LTBP4: variants seen among roughly 807,000 people sequenced by gnomAD.
LTBP4 encodes latent-transforming growth factor beta-binding protein 4.
LTBP4 carries 93 observed loss-of-function variants against 180.2 expected under a neutral mutation model. The ratio of observed to expected loss-of-function variants is 0.52; its 90% CI spans 0.44 to 0.61. The LOEUF is 0.61. Ranked by LOEUF, LTBP4 falls within the 20% of genes least tolerant of loss-of-function variation. The probability of loss-of-function intolerance (pLI) is 0.00; values close to 1 mark genes in which losing one functional copy is unlikely to be tolerated. For missense variants in LTBP4, 2,116 were observed against 2,256.5 expected (o/e 0.94, Z 1.26); for synonymous variants, 947 against 934.5 (o/e 1.01, Z -0.24).
chr19:40,607,986 G>A (rs1162392483), intron 7 of LTBP4, among the ~76,000 whole-genome samples: 1 of 152,116 alleles, frequency 6.6e-6, no homozygotes, highest in African/African-American at 2.4e-5. Flanking sequence ...ACCGGACCCT[G>A]CCCTCAACCC....
intron 6 of LTBP4, 66 bp from the exon 7 acceptor site, chr19:40,607,299 C>G (rs747385009): frequency 1.4e-6 from 2 of 1,442,416 alleles, no homozygotes; most frequent in Non-Finnish European, 1.9e-6. Flanking sequence ...CCCCTCTCTC[C>G]CAAATCCCTC....
chr19:40,610,909 C>A, intron 12 of LTBP4: 1 of 712,524 alleles, frequency 1.4e-6, no homozygotes, highest in East Asian at 2.7e-5. Flanking sequence ...TGTCAGTAAT[C>A]GGGTAAGGGG....
At chr19:40,601,745 A>C in intron 1 of LTBP4, 108 bp downstream of exon 1, 2 of 892,198 alleles carry the variant, frequency 2.2e-6, no homozygotes, top group Admixed American at 8.5e-5. Flanking sequence ...TCCATATGCA[A>C]TAGTGCAAGG....
chr19:40,625,316 A>ATATATATATATATATATATATT lies in LTBP4; in HGVS notation c.3833-540_3833-539insATATATATATATATATATATTT, dbSNP rs1568414647. Among the ~76,000 whole-genome samples the ATATATATATATATATATATATT allele has an allele frequency of 1.8e-4, 4 of 21,930 alleles. 1 individual carries two copies. The highest frequency in any genetic ancestry group is 3.2e-4 in the Non-Finnish European group (4 of 12,648). 14.4% of individuals were successfully genotyped at this position (21,930 alleles called of 152,430 possible). A position where few individuals can be genotyped will look rare whatever the true frequency, so the allele number is the denominator to read the frequency against. ...TATATATATATATATATATATATAT[A>ATATATATATATATATATATATT]TTTTTTTTTTTAAAGATGGGTTTTT... is the stretch of plus-strand genomic sequence containing the variant. On this transcript the variant is annotated intron_variant, in intron 26 of 29. Transcript: ENST00000396819.
intron 19 of LTBP4, among the ~76,000 whole-genome samples, chr19:40,616,309 A>AAAAG (rs1568409744): frequency 2.7e-5 from 4 of 149,466 alleles, no homozygotes; most frequent in South Asian, 4.2e-4. Flanking sequence ...AAGAAAAAAA[A>AAAAG]GCTGGATGGG....
At position 40,601,468 on chromosome 19, in the gene LTBP4, G is replaced by A; in HGVS notation, c.81G>A (p.Arg27=). 6.7e-7 allele frequency: 1 copy of A among 1,492,302 alleles called. No homozygotes were observed. Among genetic ancestry groups the A allele is most frequent in the Non-Finnish European group, 8.9e-7 (1 of 1,127,398 alleles). 92.4% of individuals were successfully genotyped at this position (1,492,302 alleles called of 1,614,324 possible). The change falls in exon 1 of 30, where the codon CGG becomes CGA. Residue 27 remains arginine (R), a synonymous_variant. Coordinates refer to ENST00000396819, the MANE Select transcript of LTBP4 (RefSeq NM_001042545.2). ...TAGGGCCGCAGCCTGGACTGGGCCG[G>A]CTCGGAGAGCGTCTCCGCGTGCGCT... ...AQLGPQPGLG[R]LGERLRVRFT... is the part of the protein sequence containing the mutation.
In LTBP4 at chr19:40,607,385, G is replaced by A. The variant is rs1480507896; in HGVS notation, c.1012G>A (p.Ala338Thr). 1.2e-6 allele frequency: 2 copies of A among 1,612,606 alleles called. No homozygotes were observed. The highest frequency in any genetic ancestry group is 2.2e-5 in the East Asian group (1 of 44,836). The change falls in exon 7 of 30, where the codon GCC becomes ACC. Residue 338 changes from alanine to threonine, a missense_variant. Physicochemically the swap from Ala to Thr is moderately conservative, Grantham distance 58 (BLOSUM62 0). Around this residue, in one of 5 missense-constraint regions of LTBP4, gnomAD observed 469 missense variants for 532.5 expected, o/e 0.88. Coordinates refer to ENST00000396819, the MANE Select transcript of LTBP4 (RefSeq NM_001042545.2). ...CGCAGCCCAACACGTGATCTCAGAG[G>A]CCAAAGGGCCCTGCTTCCGCGTGCT... ...SCISQHVISE[A>T]KGPCFRVLRD...
At chr19:40,601,296 C>T, upstream of LTBP4, 1 of 942,086 alleles carries the variant, frequency 1.1e-6, no homozygotes, top group Non-Finnish European at 1.3e-6. Flanking sequence ...AGCGGGGGCG[C>T]GGGCGACCTC....
rs1568414562 is a variant in LTBP4, at chr19:40,625,299, TATATATATATATATA to T, written c.3833-557_3833-543del. On this transcript the variant is annotated intron_variant, in intron 26 of 29. Transcript: ENST00000396819. ...ATATATATATATATATATATATATA[TATATATATATATATA>T]TATTTTTTTTTTTAAAGATGGGTTT... 1.5e-3 allele frequency among the ~76,000 whole-genome samples: 34 copies of T among 22,382 alleles called. 4 individuals carry two copies. The highest frequency in any genetic ancestry group is 4.7e-3 in the East Asian group (4 of 850). The allele number at this position is 22,382 out of a possible 152,430, so 14.7% of individuals were successfully genotyped here.
Position 40,610,355 on chromosome 19 carries a change from C to T in LTBP4, c.1685-177C>T, listed in dbSNP as rs544851193. 2.0e-4 allele frequency: 139 copies of T among 696,516 alleles called. 2 individuals are homozygous for T. The East Asian group carries it at 3.9e-3, about 19-fold the overall frequency. 43.1% of individuals were successfully genotyped at this position (696,516 alleles called of 1,614,324 possible). A position where few individuals can be genotyped will look rare whatever the true frequency, so the allele number is the denominator to read the frequency against. ...CCTTTCTGCCCTTGCGCTACCAAAC[C>T]CTGCCCTCCACAATTGCCTCTCTCA... On this transcript the variant is annotated intron_variant, in intron 11 of 29. Transcript: ENST00000396819.
At position 40,623,699 on chromosome 19, in the gene LTBP4, T is replaced by A; in HGVS notation, c.3652T>A (p.Tyr1218Asn). ...PGYSCYCSNG[Y>N]YYHTQRLECI... ...CTACTCATGCTATTGCAGCAACGGC[T>A]ACTACTACCACACACAGCGGCTGGA... is the stretch of plus-strand genomic sequence containing the variant. Residue 1218 changes from tyrosine to asparagine, a missense_variant, in exon 25 of 30, where the codon TAC (tyrosine) becomes AAC (asparagine). Around this residue, in one of 5 missense-constraint regions of LTBP4, gnomAD observed 278 missense variants for 373.0 expected, o/e 0.75. Transcript: ENST00000396819. 6.2e-7 allele frequency: 1 copy of A among 1,613,936 alleles called. No individual in the cohort carries two copies. The highest frequency in any genetic ancestry group is 8.5e-7 in the Non-Finnish European group (1 of 1,179,884).
intron 24 of LTBP4, 32 bp from the exon 25 acceptor site, chr19:40,623,572 C>T (rs1330819810): frequency 2.5e-6 from 4 of 1,600,962 alleles, no homozygotes; most frequent in African/African-American, 2.7e-5. Flanking sequence ...CCATCCAGCC[C>T]GCCCCCATCT....
In LTBP4 at chr19:40,613,491, C is replaced by A; in HGVS notation, c.2519C>A (p.Pro840His). 6.3e-7 allele frequency: 1 copy of A among 1,585,524 alleles called. No homozygotes were observed. Residue 840 changes from proline (P) to histidine (H), a missense_variant, in exon 17 of 30, where the codon CCT (proline) becomes CAT (histidine). Pro to His is a moderately conservative substitution (Grantham distance 77, BLOSUM62 -2). Coordinates refer to ENST00000396819, the MANE Select transcript of LTBP4 (RefSeq NM_001042545.2). The surrounding 1 kb of genome is among the most constrained non-coding windows in gnomAD (Gnocchi z 5.0). Reference protein sequence around the residue: ...TDGSFACTCAPGYRPGPRGAS... With the variant: ...TDGSFACTCAHGYRPGPRGAS... Reference sequence around the variant, plus strand: ...GGCTCCTTTGCCTGTACTTGTGCCCCTGGCTACCGACCCGGACCCCGCGGA... The same window carrying A: ...GGCTCCTTTGCCTGTACTTGTGCCCATGGCTACCGACCCGGACCCCGCGGA...
chr19:40,595,155 C>T (rs1310229795), intron 1 of LTBP4, among the ~76,000 whole-genome samples: 3 of 152,088 alleles, frequency 2.0e-5, no homozygotes, highest in Non-Finnish European at 4.4e-5. Context: ...TGGGATCCTA[C>T]ATGTGGTCAC....
chr19:40,609,602 G>A lies in LTBP4; in HGVS notation c.1499G>A (p.Gly500Asp), dbSNP rs753330283. Residue 500 changes from glycine to aspartate, a missense_variant, in exon 10 of 30, where the codon GGC becomes GAC. By Grantham distance (94) the Gly-to-Asp change is moderately conservative. This residue lies in a region of LTBP4 where 877 missense variants were observed against 873.6 expected (regional missense o/e 1.00). Transcript: ENST00000396819. This position sits in a 1 kb window ranked among gnomAD's most constrained non-coding sequence, Gnocchi z 4.9. ...GPGRCISRPS[G>D]YTCACDSGFR... The stretch of plus-strand genomic sequence containing the variant: ...GGACGCTGCATTTCCCGGCCCAGCG[G>A]CTACACCTGCGCTTGCGACTCTGGC... The A allele has an allele frequency of 3.4e-5, 55 of 1,613,282 alleles. No individual in the cohort carries two copies. Among genetic ancestry groups the A allele is most frequent in the Non-Finnish European group, 4.4e-5 (52 of 1,179,846 alleles).
chr19:40,621,090 C>T (rs557610172), intron 22 of LTBP4, among the ~76,000 whole-genome samples: 163 of 152,118 alleles, frequency 1.1e-3, no homozygotes, highest in African/African-American at 3.4e-3. Context: ...TACAGGTGTC[C>T]GCCACCACGC....
chr19:40,601,131 C>T (rs964027172), upstream of LTBP4, among the ~76,000 whole-genome samples: 1 of 152,154 alleles, frequency 6.6e-6, no homozygotes, highest in Non-Finnish European at 1.5e-5. Context: ...CCCCTACAGG[C>T]CCGGTCCACT....
intron 15 of LTBP4, 93 bp from the exon 16 acceptor site, chr19:40,612,972 T>C: frequency 7.4e-7 from 1 of 1,348,868 alleles, no homozygotes; most frequent in Non-Finnish European, 1.0e-6. Flanking sequence ...CTCATGAGAC[T>C]TCCCACCACC....
chr19:40,606,656 C>T (rs1407256156), intron 6 of LTBP4, 130 bp downstream of exon 6: 2 of 1,137,350 alleles, frequency 1.8e-6, no homozygotes, highest in African/African-American at 3.1e-5. Context: ...CCTTAGAGCC[C>T]CCTCAGAACT....
Sources: gnomAD v4.1 joint callset for allele counts (sites outside exome capture counted in the v4.1 genomes callset) on GRCh38, gnomAD v4.1.1 for gene constraint, gnomAD v4.1.1 regional missense constraint, Gnocchi (gnomAD v3.1) non-coding constraint, MANE v1.5 for transcripts, NCBI Gene and HGNC (gene_info 2026-07-23, HGNC 2026-07-21) for gene names.